SAMD12: variants seen among roughly 807,000 people sequenced by gnomAD.
The protein encoded by SAMD12 is sterile alpha motif domain-containing protein 12.
In SAMD12, 9 loss-of-function variants were observed where a neutral mutation model predicts 15.0. The ratio of observed to expected loss-of-function variants is 0.60; its 90% CI spans 0.36 to 1.05. The LOEUF (loss-of-function observed/expected upper bound fraction) is 1.05. Among genes scored for constraint, SAMD12 ranks in the 50% least tolerant of loss-of-function variants. The pLI, the probability that SAMD12 is intolerant of heterozygous loss-of-function variation, is 0.01. For synonymous variants in SAMD12, 86 were observed against 90.1 expected (o/e 0.96, Z 0.25); for missense variants, 230 against 234.2 (o/e 0.98, Z 0.12).
At chr8:118,545,007 A>G (rs375920275) in intron 2 of SAMD12, among the ~76,000 whole-genome samples, 252 of 152,360 alleles carry the variant, frequency 1.7e-3, no homozygotes, top group African/African-American at 5.8e-3. Context: ...ATTGTTTCAC[A>G]CTAGCTGCAA....
intron 2 of SAMD12, among the ~76,000 whole-genome samples, chr8:118,565,717 C>T: frequency 6.6e-6 from 1 of 152,190 alleles, no homozygotes; most frequent in Non-Finnish European, 1.5e-5. Context: ...ATTCCCCCCA[C>T]CACACTGAGG....
chr8:118,252,752 C>T (rs1812849057), intron 4 of SAMD12, among the ~76,000 whole-genome samples: 1 of 152,124 alleles, frequency 6.6e-6, no homozygotes, highest in African/African-American at 2.4e-5. Flanking sequence ...CTATTATGGG[C>T]AGTGAGTGTA....
chr8:118,273,386 C>T (rs748318775), intron 4 of SAMD12, among the ~76,000 whole-genome samples: 1 of 152,120 alleles, frequency 6.6e-6, no homozygotes, highest in Non-Finnish European at 1.5e-5. Context: ...AGCAAAAATT[C>T]AAGATGAGAT....
chr8:118,296,836 T>G (rs1309513356), intron 4 of SAMD12, among the ~76,000 whole-genome samples: 1 of 152,246 alleles, frequency 6.6e-6, no homozygotes, highest in Admixed American at 6.5e-5. Flanking sequence ...TTCATTCATT[T>G]GTTCATCATG....
chr8:118,452,748 T>C (rs1240917992), intron 2 of SAMD12, among the ~76,000 whole-genome samples: 5 of 152,116 alleles, frequency 3.3e-5, no homozygotes, highest in Non-Finnish European at 7.4e-5. Flanking sequence ...AGGCTCAGAG[T>C]AAAAAACATG....
intron 3 of SAMD12, among the ~76,000 whole-genome samples, chr8:118,426,628 C>T (rs1254279031): frequency 1.3e-5 from 2 of 152,136 alleles, no homozygotes; most frequent in South Asian, 2.1e-4. Flanking sequence ...TGACAATTTC[C>T]ACTCTTTTCC....
intron 4 of SAMD12, among the ~76,000 whole-genome samples, chr8:118,212,248 C>T (rs1811851655): frequency 6.6e-6 from 1 of 151,996 alleles, no homozygotes; most frequent in Non-Finnish European, 1.5e-5. Context: ...GATCTTCCTG[C>T]CTCAGCCTCC....
At chr8:118,416,163 C>A (rs182231513) in intron 3 of SAMD12, among the ~76,000 whole-genome samples, 14 of 152,218 alleles carry the variant, frequency 9.2e-5, no homozygotes, top group African/African-American at 3.1e-4. Flanking sequence ...AGGCATCTTG[C>A]AGTATATACC....
At chr8:118,480,193 T>A (rs1824086274) in intron 2 of SAMD12, among the ~76,000 whole-genome samples, 1 of 152,192 alleles carries the variant, frequency 6.6e-6, no homozygotes, top group South Asian at 2.1e-4. Context: ...AGCGGCAGCA[T>A]CATGCCACAT....
chr8:118,524,765 GCTT>G (rs1825489134), intron 2 of SAMD12, among the ~76,000 whole-genome samples: 1 of 152,134 alleles, frequency 6.6e-6, no homozygotes, highest in African/African-American at 2.4e-5. Context: ...TGAGTCAACT[GCTT>G]CTTATTCCTC....
At chr8:118,435,097 C>T (rs1822541119) in intron 3 of SAMD12, among the ~76,000 whole-genome samples, 1 of 142,090 alleles carries the variant, frequency 7.0e-6, no homozygotes, top group Non-Finnish European at 1.5e-5. Context: ...AGTGAGACTC[C>T]ATCTCAAAAA....
chr8:118,362,132 T>C (rs1818532095), intron 4 of SAMD12, among the ~76,000 whole-genome samples: 1 of 151,600 alleles, frequency 6.6e-6, no homozygotes, highest in South Asian at 2.1e-4. Context: ...GTGAAGAGAA[T>C]TGAAAAGAAA....
intron 3 of SAMD12, among the ~76,000 whole-genome samples, chr8:118,380,280 C>G (rs1222988037): frequency 3.3e-5 from 5 of 152,232 alleles, no homozygotes; most frequent in African/African-American, 1.2e-4. Context: ...GGTTCCATCT[C>G]TAGCTGTTGG....
chr8:118,371,426 T>C (rs1289938967), intron 4 of SAMD12, among the ~76,000 whole-genome samples: 1 of 151,886 alleles, frequency 6.6e-6, no homozygotes, highest in South Asian at 2.1e-4. Context: ...GTGGTTAGGG[T>C]AGAGATAAGG....
chr8:118,174,973 T>C, the SAMD12 span, among the ~76,000 whole-genome samples: 1 of 149,856 alleles, frequency 6.7e-6, no homozygotes. Flanking sequence ...ACAGGATCTT[T>C]ACCTGTGTAA....
At chr8:118,577,434 A>C (rs972960963) in intron 2 of SAMD12, among the ~76,000 whole-genome samples, 3 of 152,204 alleles carry the variant, frequency 2.0e-5, no homozygotes, top group Admixed American at 6.5e-5. Flanking sequence ...CCCAATCCAC[A>C]TATATACACA....
intron 4 of SAMD12, among the ~76,000 whole-genome samples, chr8:118,311,212 A>G (rs1005651761): frequency 2.6e-5 from 4 of 152,320 alleles, no homozygotes; most frequent in African/African-American, 9.6e-5. Flanking sequence ...TTATTGCAGT[A>G]TTGCTTCCTT....
chr8:118,159,019 G>A, the SAMD12 span, among the ~76,000 whole-genome samples: 16 of 152,114 alleles, frequency 1.1e-4, no homozygotes, highest in African/African-American at 3.4e-4. Flanking sequence ...CTGCTGAATG[G>A]TGGGACTGAA....
chr8:118,431,584 C>T (rs1427942560), intron 3 of SAMD12, among the ~76,000 whole-genome samples: 4 of 151,814 alleles, frequency 2.6e-5, no homozygotes, highest in African/African-American at 9.7e-5. Context: ...AAGAGGTTCT[C>T]ATTAGAAGTG....
Sources: allele counts gnomAD v4.1 joint callset (sites outside exome capture counted in the v4.1 genomes callset), GRCh38; gene constraint gnomAD v4.1.1; transcripts MANE v1.5; gene names NCBI Gene and HGNC (gene_info 2026-07-23, HGNC 2026-07-21).